Variants in ENTREP2 observed in about 807,000 individuals in gnomAD.
The protein encoded by ENTREP2 is endosomal transmembrane epsin interactor 2, also known as protein ENTREP2.
chr15:29,137,418 C>T, the ENTREP2 span, among the ~76,000 whole-genome samples: 1 of 152,286 alleles, frequency 6.6e-6, no homozygotes, highest in East Asian at 1.9e-4. Flanking sequence ...TACAGAATGC[C>T]TCTTTTTAAA....
the ENTREP2 span, among the ~76,000 whole-genome samples, chr15:29,356,296 A>ATAT: frequency 1.0e-3 from 36 of 34,398 alleles, no homozygotes; most frequent in South Asian, 7.6e-3. Flanking sequence ...ATATATATAT[A>ATAT]TTTTTTTTTT....
the ENTREP2 span, among the ~76,000 whole-genome samples, chr15:29,258,616 G>T: frequency 2.0e-3 from 297 of 151,686 alleles, 3 homozygotes; most frequent in African/African-American, 7.0e-3. Flanking sequence ...CCATTTTTAT[G>T]TGTGCAGTTT....
the ENTREP2 span, among the ~76,000 whole-genome samples, chr15:29,406,409 A>T: frequency 6.6e-6 from 1 of 152,066 alleles, no homozygotes; most frequent in Non-Finnish European, 1.5e-5. Context: ...TTAGTCAAGC[A>T]TCATAGCAGG....
the ENTREP2 span, among the ~76,000 whole-genome samples, chr15:29,353,268 G>A: frequency 1.3e-5 from 2 of 152,030 alleles, no homozygotes; most frequent in African/African-American, 4.8e-5. Flanking sequence ...GCATTTGATG[G>A]GGATCCAGAA....
chr15:29,207,258 T>A, the ENTREP2 span, among the ~76,000 whole-genome samples: 1 of 152,172 alleles, frequency 6.6e-6, no homozygotes, highest in African/African-American at 2.4e-5. Context: ...ACTGGCATTG[T>A]GTCCAGAATT....
the ENTREP2 span, among the ~76,000 whole-genome samples, chr15:29,284,306 C>T: frequency 2.0e-5 from 3 of 151,930 alleles, no homozygotes; most frequent in African/African-American, 7.3e-5. Flanking sequence ...GCCTGTAATC[C>T]CAGCACTTTG....
chr15:29,541,530 G>A, the ENTREP2 span, among the ~76,000 whole-genome samples: 144 of 152,286 alleles, frequency 9.5e-4, no homozygotes, highest in African/African-American at 3.0e-3. Flanking sequence ...GAGGAGAGGC[G>A]GGGAGAGCCT....
At chr15:29,346,127 A>G in the ENTREP2 span, among the ~76,000 whole-genome samples, 4 of 152,186 alleles carry the variant, frequency 2.6e-5, no homozygotes, top group African/African-American at 2.4e-5. Flanking sequence ...TGCGCTGCAC[A>G]ACGACGCCAA....
the ENTREP2 span, among the ~76,000 whole-genome samples, chr15:29,217,373 C>CTTT: frequency 6.6e-6 from 1 of 152,154 alleles, no homozygotes; most frequent in African/African-American, 2.4e-5. Context: ...AAGGGAGAGT[C>CTTT]TAAAAACATG....
chr15:29,148,879 A>ATTT, the ENTREP2 span, among the ~76,000 whole-genome samples: 2 of 142,666 alleles, frequency 1.4e-5, no homozygotes, highest in African/African-American at 5.1e-5. Context: ...TTTTTTTTTA[A>ATTT]TTTTTTTTTT....
chr15:29,648,122 C>T, the ENTREP2 span, among the ~76,000 whole-genome samples: 1 of 152,156 alleles, frequency 6.6e-6, no homozygotes, highest in Admixed American at 6.5e-5. Flanking sequence ...GCCCATTTGG[C>T]ACATTTCCTT....
chr15:29,305,351 T>G, the ENTREP2 span, among the ~76,000 whole-genome samples: 1 of 152,082 alleles, frequency 6.6e-6, no homozygotes, highest in African/African-American at 2.4e-5. Context: ...GGGAGTGACA[T>G]GAGGTGACTT....
At chr15:29,325,187 C>A in the ENTREP2 span, among the ~76,000 whole-genome samples, 3 of 152,080 alleles carry the variant, frequency 2.0e-5, no homozygotes, top group Non-Finnish European at 4.4e-5. Flanking sequence ...AAAAGCCATA[C>A]TCAAGGAGAA....
At chr15:29,172,917 T>C in the ENTREP2 span, among the ~76,000 whole-genome samples, 75 of 152,292 alleles carry the variant, frequency 4.9e-4, no homozygotes, top group African/African-American at 1.8e-3. Context: ...AGTCGGCTCC[T>C]GTCCCTCCCA....
the ENTREP2 span, chr15:29,136,444 G>T: frequency 6.5e-7 from 1 of 1,547,632 alleles, no homozygotes; most frequent in East Asian, 2.5e-5. Flanking sequence ...CGGGGCTATT[G>T]ATGGCCACGT....
chr15:29,470,841 T>C, the ENTREP2 span, among the ~76,000 whole-genome samples: 1 of 152,252 alleles, frequency 6.6e-6, no homozygotes, highest in Non-Finnish European at 1.5e-5. Flanking sequence ...TGGTAATTAA[T>C]GTTCATTCCT....
the ENTREP2 span, among the ~76,000 whole-genome samples, chr15:29,465,253 G>C: frequency 6.6e-6 from 1 of 152,054 alleles, no homozygotes; most frequent in Non-Finnish European, 1.5e-5. Context: ...TGCAGGGAAT[G>C]GGGTGCAGAA....
At chr15:29,508,128 C>G in the ENTREP2 span, among the ~76,000 whole-genome samples, 1 of 152,094 alleles carries the variant, frequency 6.6e-6, no homozygotes, top group Non-Finnish European at 1.5e-5. Flanking sequence ...CACCTCTATG[C>G]GAATAAGCTA....
the ENTREP2 span, chr15:29,268,116 CTCA>C: frequency 6.6e-6 from 1 of 152,134 alleles, no homozygotes; most frequent in Non-Finnish European, 1.5e-5. Context: ...ATGAAATTCT[CTCA>C]TGACCCACGA....
Sources: gnomAD v4.1 joint callset for allele counts (sites outside exome capture counted in the v4.1 genomes callset) on GRCh38, gnomAD v4.1.1 for gene constraint, MANE v1.5 for transcripts, NCBI Gene and HGNC (gene_info 2026-07-23, HGNC 2026-07-21) for gene names.